SLC26A4: variants seen among roughly 807,000 people sequenced by gnomAD.
SLC26A4 encodes solute carrier family 26 member 4.
In SLC26A4, 93 loss-of-function variants were observed where a neutral mutation model predicts 90.4. That is an observed-to-expected ratio of 1.03 (90% confidence interval 0.87 to 1.22). The LOEUF (loss-of-function observed/expected upper bound fraction) is 1.22, where lower values mean the gene tolerates loss of function less well. SLC26A4 is among the 50% of genes most tolerant of loss of function. The pLI is 0.00. For missense variants in SLC26A4, 1,127 were observed against 946.2 expected, an observed-to-expected ratio of 1.19 and a Z score of -2.51; for synonymous variants, 393 against 354.6, an observed-to-expected ratio of 1.11 and a Z score of -1.22.
chr7:107,679,550 G>A (rs1345629003), intron 6 of SLC26A4, among the ~76,000 whole-genome samples: 1 of 151,648 alleles, frequency 6.6e-6, no homozygotes, highest in Non-Finnish European at 1.5e-5. Flanking sequence ...AGGTAATCCT[G>A]GGCAAGAACA....
intron 8 of SLC26A4, among the ~76,000 whole-genome samples, chr7:107,685,954 T>C (rs1584320331): frequency 6.6e-6 from 1 of 152,322 alleles, no homozygotes; most frequent in East Asian, 1.9e-4. Context: ...TTTTAATCCC[T>C]ATTCACTCTC....
intron 18 of SLC26A4, among the ~76,000 whole-genome samples, chr7:107,705,866 TG>T (rs1792024975): frequency 6.6e-6 from 1 of 152,204 alleles, no homozygotes; most frequent in Non-Finnish European, 1.5e-5. Flanking sequence ...TCTCTAGTTG[TG>T]GCATCCAGCA....
chr7:107,673,982 C>CA lies in SLC26A4; in HGVS notation c.416-181dup, dbSNP rs200997540. On this transcript the variant is annotated intron_variant, in intron 4 of 20. Coordinates refer to ENST00000644269, the MANE Select transcript of SLC26A4 (RefSeq NM_000441.2). Reference sequence around the variant, plus strand: ...CTGGGCTCAAGCGATCTTCCCACCTCAGTCTCCCAAAGTGCTGCGGTTACA... The same window carrying CA: ...CTGGGCTCAAGCGATCTTCCCACCTCAAGTCTCCCAAAGTGCTGCGGTTACA... 6.1e-3 allele frequency among the ~76,000 whole-genome samples: 934 copies of CA among 152,310 alleles called. 15 individuals carry two copies. Among genetic ancestry groups the CA allele is most frequent in the African/African-American group, 0.022 (900 of 41,558 alleles).
At chr7:107,697,386 GAT>G (rs1206440855) in intron 13 of SLC26A4, among the ~76,000 whole-genome samples, 1 of 152,150 alleles carries the variant, frequency 6.6e-6, no homozygotes, top group African/African-American at 2.4e-5. Flanking sequence ...TTATCATGCT[GAT>G]CCAGAGAGCA....
At chr7:107,676,966 G>A (rs952174908) in intron 6 of SLC26A4, among the ~76,000 whole-genome samples, 8 of 152,282 alleles carry the variant, frequency 5.3e-5, no homozygotes, top group African/African-American at 1.7e-4. Flanking sequence ...TTGATCCCAT[G>A]AGTTCAAGAT....
Position 107,661,710 on chromosome 7 carries a change from G to C in SLC26A4, c.69G>C (p.Ser23=). The C allele has an allele frequency of 6.4e-7, 1 of 1,568,010 alleles. No homozygotes were observed. The highest frequency in any genetic ancestry group is 1.7e-4 in the Middle Eastern group (1 of 5,880). ...AGTACAGCTGCAGCTACATGGTGTC[G>C]CGGCCGGTCTACAGCGAGCTCGCTT... ...LPEYSCSYMV[S]RPVYSELAFQ... is the part of the protein sequence containing the mutation. The change falls in exon 2 of 21, where the codon TCG becomes TCC. Residue 23 remains serine, a synonymous_variant. Coordinates refer to ENST00000644269, the MANE Select transcript of SLC26A4 (RefSeq NM_000441.2). The surrounding 1 kb of genome is among the most constrained non-coding windows in gnomAD (Gnocchi z 5.1).
At chr7:107,711,764 A>T (rs1391035328) in intron 19 of SLC26A4, among the ~76,000 whole-genome samples, 8 of 152,180 alleles carry the variant, frequency 5.3e-5, no homozygotes, top group Admixed American at 2.0e-4. Flanking sequence ...TTACCATCAC[A>T]GGACTATCTC....
intron 10 of SLC26A4, 77 bp downstream of exon 10, chr7:107,690,314 C>T (rs1791533706): frequency 4.5e-6 from 4 of 888,552 alleles, no homozygotes; most frequent in South Asian, 2.6e-5. Flanking sequence ...TCGCACCGAG[C>T]TTAGCAGGAC....
intron 18 of SLC26A4, among the ~76,000 whole-genome samples, chr7:107,708,838 T>TG (rs1792103083): frequency 6.7e-6 from 1 of 150,142 alleles, no homozygotes; most frequent in South Asian, 2.1e-4. Context: ...ATATTGACAA[T>TG]GGGGGGATGT....
rs548966921 is a variant in SLC26A4, at chr7:107,661,255, G to A, written c.-3-384G>A. 5.1e-4 allele frequency: 140 copies of A among 274,744 alleles called. 1 individual carries two copies. Among genetic ancestry groups the A allele is most frequent in the Non-Finnish European group, 9.7e-5 (14 of 143,652 alleles). The allele number at this position is 274,744 out of a possible 1,614,324, so 17.0% of individuals were successfully genotyped here. A position where few individuals can be genotyped will look rare whatever the true frequency, so the allele number is the denominator to read the frequency against. ...AGTGTCCCCTTCCAGCCTTGCAAGCGCCTTTGGCCCCTGCCCCAGCCCCTC... is the reference window on the plus strand; with the variant it reads ...AGTGTCCCCTTCCAGCCTTGCAAGCACCTTTGGCCCCTGCCCCAGCCCCTC... On this transcript the variant is annotated intron_variant, in intron 1 of 20. Coordinates refer to ENST00000644269, the MANE Select transcript of SLC26A4 (RefSeq NM_000441.2). This position sits in a 1 kb window ranked among gnomAD's most constrained non-coding sequence, Gnocchi z 5.1.
intron 8 of SLC26A4, among the ~76,000 whole-genome samples, chr7:107,687,146 A>G (rs550269773): frequency 6.6e-6 from 1 of 152,258 alleles, no homozygotes; most frequent in Admixed American, 6.5e-5. Context: ...ATCTTTTCAG[A>G]TAAGTGTGTG....
Position 107,674,148 on chromosome 7 carries a change from G to A in SLC26A4, c.416-16G>A, listed in dbSNP as rs114992866. The stretch of plus-strand genomic sequence containing the variant: ...GATTAATAACTGATTAATTGTTAGA[G>A]ACTTTTTTTCCCCAGGACCTTTTCC... On this transcript the variant is annotated splice_polypyrimidine_tract_variant and intron_variant, in intron 4 of 20. Transcript: ENST00000644269. 3.1e-6 allele frequency: 5 copies of A among 1,613,136 alleles called. No homozygotes were observed. In the African/African-American group the frequency reaches 4.0e-5, roughly 13 times the overall value.
At position 107,704,739 on chromosome 7, in the gene SLC26A4, C is replaced by A. The variant is rs148751016; in HGVS notation, c.2089+354C>A. Reference sequence around the variant, plus strand: ...GTTAACATGAGGTCATGTCAGGATACTTTTTTGTATGAGGATTATTGCAGA... The same window carrying A: ...GTTAACATGAGGTCATGTCAGGATAATTTTTTGTATGAGGATTATTGCAGA... On this transcript the variant is annotated intron_variant, in intron 18 of 20. Coordinates refer to ENST00000644269, the MANE Select transcript of SLC26A4 (RefSeq NM_000441.2). Among the ~76,000 whole-genome samples the A allele has an allele frequency of 7.2e-5, 11 of 152,248 alleles. No homozygotes were observed. The East Asian group carries it at 2.1e-3, about 29-fold the overall frequency.
chr7:107,661,665 G>C lies in SLC26A4; in HGVS notation c.24G>C (p.Ser8=). 1 of 1,568,836 alleles carries C rather than the reference G, an allele frequency of 6.4e-7. No individual in the cohort carries two copies. The highest frequency in any genetic ancestry group is 8.6e-7 in the Non-Finnish European group (1 of 1,162,758). ...TCATGGCAGCGCCAGGCGGCAGGTC[G>C]GAGCCGCCGCAGCTCCCCGAGTACA... MAAPGGR[S]EPPQLPEYSC... The change falls in exon 2 of 21, where the codon TCG becomes TCC. Residue 8 remains serine (S), a synonymous_variant. Coordinates refer to ENST00000644269, the MANE Select transcript of SLC26A4 (RefSeq NM_000441.2). This position sits in a 1 kb window ranked among gnomAD's most constrained non-coding sequence, Gnocchi z 5.1.
chr7:107,702,250 C>T (rs1204681424), intron 17 of SLC26A4, among the ~76,000 whole-genome samples, 193 bp downstream of exon 17: 2 of 152,184 alleles, frequency 1.3e-5, no homozygotes, highest in Non-Finnish European at 2.9e-5. Flanking sequence ...CTGGCTTCAC[C>T]ACTTACTAGC....
intron 8 of SLC26A4, among the ~76,000 whole-genome samples, chr7:107,687,353 T>G (rs891791437): frequency 6.6e-6 from 1 of 152,164 alleles, no homozygotes; most frequent in South Asian, 2.1e-4. Context: ...TTCAATTGGT[T>G]TGGGGCAAAT....
chr7:107,664,118 T>C (rs1308570569), intron 3 of SLC26A4, among the ~76,000 whole-genome samples: 1 of 152,266 alleles, frequency 6.6e-6, no homozygotes, highest in African/African-American at 2.4e-5. Context: ...AAATATTTAT[T>C]ATAACAATGT....
intron 9 of SLC26A4, 50 bp from the exon 10 acceptor site, chr7:107,690,074 C>T (rs951732317): frequency 9.4e-7 from 1 of 1,063,490 alleles, no homozygotes; most frequent in Middle Eastern, 2.0e-4. Context: ...CAGCGAAGGT[C>T]TTGCAAAGAT....
intron 15 of SLC26A4, 125 bp downstream of exon 15, chr7:107,700,300 G>A (rs886585013): frequency 3.1e-6 from 2 of 655,176 alleles, no homozygotes; most frequent in Non-Finnish European, 5.5e-6. Flanking sequence ...GTAGGGCAAT[G>A]AGAATTAAAA....
Sources: allele counts gnomAD v4.1 joint callset (sites outside exome capture counted in the v4.1 genomes callset), GRCh38; gene constraint gnomAD v4.1.1; non-coding constraint Gnocchi (gnomAD v3.1); transcripts MANE v1.5; gene names NCBI Gene and HGNC (gene_info 2026-07-23, HGNC 2026-07-21).